Variants in SPRR2B observed in about 807,000 individuals in gnomAD.
SPRR2B encodes the protein small proline-rich protein 2B.
SPRR2B carries 1 observed loss-of-function variant against 1.0 expected under a neutral mutation model. The ratio of observed to expected loss-of-function variants is 1.01; its 90% CI spans 0.36 to 4.77. The LOEUF (loss-of-function observed/expected upper bound fraction) is 4.77, where lower values mean the gene tolerates loss of function less well. SPRR2B is among the 30% of genes most tolerant of loss of function. The pLI is 0.16. For synonymous variants in SPRR2B, 27 were observed against 33.4 expected (o/e 0.81, Z 0.66); for missense variants, 53 against 88.7 (o/e 0.60, Z 1.62).
the SPRR2B span, among the ~76,000 whole-genome samples, chr1:153,082,822 G>A: frequency 6.6e-6 from 1 of 151,360 alleles, no homozygotes; most frequent in African/African-American, 2.4e-5. Context: ...AGTAAATTAA[G>A]CTAAACCCCC....
the SPRR2B span, among the ~76,000 whole-genome samples, chr1:153,086,267 T>C: frequency 1.3e-5 from 2 of 152,324 alleles, no homozygotes; most frequent in Admixed American, 1.3e-4. Flanking sequence ...ATTGGTATGC[T>C]GTCTTCAAGG....
In SPRR2B at chr1:153,071,273, G is replaced by A. The variant is rs141963866; in HGVS notation, c.-20+296C>T. On this transcript the variant is annotated intron_variant, in intron 1 of 1. Transcript: ENST00000368755. Reference sequence around the variant, plus strand: ...GGAAGAAGTGCTGGCTCTCACACCTGCTAAGACACAAACCTTTGAAAAGGA... The same window carrying A: ...GGAAGAAGTGCTGGCTCTCACACCTACTAAGACACAAACCTTTGAAAAGGA... 8.9e-3 allele frequency among the ~76,000 whole-genome samples: 1,352 copies of A among 151,148 alleles called. 31 individuals are homozygous for A. Among genetic ancestry groups the A allele is most frequent in the African/African-American group, 0.031 (1,285 of 41,158 alleles).
chr1:153,085,778 G>A, the SPRR2B span, among the ~76,000 whole-genome samples: 1 of 152,158 alleles, frequency 6.6e-6, no homozygotes, highest in Non-Finnish European at 1.5e-5. Context: ...AAGGCAGCTA[G>A]AGAGAAAGAT....
At chr1:153,080,445 T>C in the SPRR2B span, among the ~76,000 whole-genome samples, 2,532 of 152,256 alleles carry the variant, frequency 0.017, 67 homozygotes, top group African/African-American at 0.058. Flanking sequence ...CAAGTTAATA[T>C]ATTTTAAAAG....
upstream of SPRR2B, among the ~76,000 whole-genome samples, chr1:153,074,648 G>A (rs1049388222): frequency 2.0e-5 from 3 of 152,166 alleles, no homozygotes; most frequent in South Asian, 2.1e-4. Flanking sequence ...TTTATTAAAA[G>A]ATAGGAAACA....
chr1:153,086,565 C>T, the SPRR2B span, among the ~76,000 whole-genome samples: 1 of 152,048 alleles, frequency 6.6e-6, no homozygotes, highest in Non-Finnish European at 1.5e-5. Context: ...ATTTAGACTC[C>T]CCAGTAATTA....
chr1:153,082,475 T>A, the SPRR2B span, among the ~76,000 whole-genome samples: 4 of 152,118 alleles, frequency 2.6e-5, no homozygotes, highest in African/African-American at 9.7e-5. Context: ...ACAGAACAAT[T>A]TAATATATTT....
At chr1:153,081,116 A>G in the SPRR2B span, among the ~76,000 whole-genome samples, 31 of 152,236 alleles carry the variant, frequency 2.0e-4, no homozygotes, top group Admixed American at 1.8e-3. Flanking sequence ...TCCAAGTTCA[A>G]TGAATTCAAG....
chr1:153,087,034 T>C, the SPRR2B span, among the ~76,000 whole-genome samples: 15 of 152,138 alleles, frequency 9.9e-5, no homozygotes, highest in Non-Finnish European at 1.6e-4. Flanking sequence ...AGCTACAACA[T>C]ACCAGAATCT....
the SPRR2B span, among the ~76,000 whole-genome samples, chr1:153,080,485 C>A: frequency 6.6e-6 from 1 of 152,016 alleles, no homozygotes; most frequent in South Asian, 2.1e-4. Flanking sequence ...CTTTTCCAAT[C>A]ACAGTGGAAT....
At chr1:153,080,198 A>G in the SPRR2B span, among the ~76,000 whole-genome samples, 1 of 147,062 alleles carries the variant, frequency 6.8e-6, no homozygotes, top group African/African-American at 2.7e-5. Flanking sequence ...AGTGAGAGAA[A>G]TTAAAAGAAG....
chr1:153,080,910 C>T, the SPRR2B span, among the ~76,000 whole-genome samples: 11 of 152,210 alleles, frequency 7.2e-5, no homozygotes, highest in Non-Finnish European at 1.0e-4. Flanking sequence ...ATAATTGAAT[C>T]GATAAACTGT....
At chr1:153,077,751 A>C in the SPRR2B span, among the ~76,000 whole-genome samples, 5 of 152,142 alleles carry the variant, frequency 3.3e-5, no homozygotes, top group African/African-American at 1.2e-4. Context: ...TAGTAGTAGA[A>C]GTACAGGCAT....
rs1035683029 is a variant in SPRR2B, at chr1:153,070,651, G to A, written c.189C>T (p.Cys63=). The stretch of plus-strand genomic sequence containing the variant: ...TGCTCTTCGGTGGATACTTTGGCTG[G>A]CAGGGTGGGGAAGGTGTCACAGGAG... The part of the protein sequence containing the change: ...KYPPVTPSPP[C]QPKYPPKSK Residue 63 remains cysteine, a synonymous_variant, in exon 2 of 2, where the codon TGC becomes TGT. Transcript: ENST00000368755. 18 of 1,612,174 alleles carry A rather than the reference G, an allele frequency of 1.1e-5. No homozygotes were observed. Among genetic ancestry groups the A allele is most frequent in the Non-Finnish European group, 1.5e-5 (18 of 1,179,826 alleles).
chr1:153,087,447 A>T, the SPRR2B span, among the ~76,000 whole-genome samples: 1 of 152,184 alleles, frequency 6.6e-6, no homozygotes, highest in Non-Finnish European at 1.5e-5. Flanking sequence ...CATTCAAAAG[A>T]TCAACAAATC....
chr1:153,082,105 C>A, the SPRR2B span, among the ~76,000 whole-genome samples: 1 of 152,014 alleles, frequency 6.6e-6, no homozygotes, highest in Non-Finnish European at 1.5e-5. Flanking sequence ...AATTAGATTT[C>A]TATAACTTTA....
At chr1:153,079,739 CCAG>C in the SPRR2B span, among the ~76,000 whole-genome samples, 1 of 151,990 alleles carries the variant, frequency 6.6e-6, no homozygotes, top group Non-Finnish European at 1.5e-5. Flanking sequence ...TGTTTTGGTA[CCAG>C]TACCATGCTG....
the SPRR2B span, among the ~76,000 whole-genome samples, chr1:153,078,351 T>A: frequency 6.8e-6 from 1 of 148,122 alleles, no homozygotes; most frequent in East Asian, 1.9e-4. Context: ...ATATTTCTTT[T>A]AAGGAGCTTA....
At chr1:153,073,695 TCACACACA>T (rs4041380), upstream of SPRR2B, among the ~76,000 whole-genome samples, 9 of 144,592 alleles carry the variant, frequency 6.2e-5, no homozygotes, top group East Asian at 1.2e-3. Context: ...GAGGCATACT[TCACACACA>T]CACACACACA....
Sources: gnomAD v4.1 joint callset for allele counts (sites outside exome capture counted in the v4.1 genomes callset) on GRCh38, gnomAD v4.1.1 for gene constraint, MANE v1.5 for transcripts, NCBI Gene and HGNC (gene_info 2026-07-23, HGNC 2026-07-21) for gene names.